Variants in VWA8 observed in about 807,000 individuals in gnomAD.
The protein encoded by VWA8 is von Willebrand factor A domain-containing protein 8.
In VWA8, 221 loss-of-function variants were observed where a neutral mutation model predicts 241.5. The ratio of observed to expected loss-of-function variants is 0.91; its 90% CI spans 0.82 to 1.02. The LOEUF is 1.02. Among genes scored for constraint, VWA8 ranks in the 50% least tolerant of loss-of-function variants. The pLI is 0.00. For missense variants in VWA8, 2,322 were observed against 2,328.7 expected (o/e 1.00, Z 0.06); for synonymous variants, 852 against 827.1 (o/e 1.03, Z -0.52).
At chr13:41,929,376 C>T (rs1201869258) in intron 2 of VWA8, among the ~76,000 whole-genome samples, 1 of 152,036 alleles carries the variant, frequency 6.6e-6, no homozygotes, top group South Asian at 2.1e-4. Flanking sequence ...TGATCTTGAA[C>T]TCCTGGGCTA....
At chr13:41,791,348 A>T (rs1869454314) in intron 17 of VWA8, among the ~76,000 whole-genome samples, 1 of 151,938 alleles carries the variant, frequency 6.6e-6, no homozygotes, top group Non-Finnish European at 1.5e-5. Flanking sequence ...TAACACTGGA[A>T]AAATTAGTCA....
chr13:41,736,684 T>C (rs1191676900), intron 21 of VWA8, among the ~76,000 whole-genome samples: 1 of 152,008 alleles, frequency 6.6e-6, no homozygotes, highest in African/African-American at 2.4e-5. Context: ...AAGAGTTTCA[T>C]AAGAGCTGAT....
chr13:41,821,644 A>T (rs1244495592), intron 14 of VWA8, among the ~76,000 whole-genome samples: 5 of 152,332 alleles, frequency 3.3e-5, no homozygotes, highest in African/African-American at 9.6e-5. Flanking sequence ...AGAAAAAAAT[A>T]AATGAAACTA....
At chr13:41,701,188 C>A (rs1016255812) in intron 28 of VWA8, among the ~76,000 whole-genome samples, 2 of 152,144 alleles carry the variant, frequency 1.3e-5, no homozygotes, top group African/African-American at 2.4e-5. Flanking sequence ...CATACAAACT[C>A]AGGAGTGCTT....
chr13:41,938,556 C>A (rs112427356), intron 2 of VWA8, among the ~76,000 whole-genome samples: 1 of 151,670 alleles, frequency 6.6e-6, no homozygotes, highest in Non-Finnish European at 1.5e-5. Context: ...GAGGCTGAGG[C>A]AGGAGGATCG....
chr13:41,727,849 A>T (rs2045449304), intron 23 of VWA8, among the ~76,000 whole-genome samples: 1 of 152,104 alleles, frequency 6.6e-6, no homozygotes, highest in Non-Finnish European at 1.5e-5. Context: ...TCATTAGTAC[A>T]ATGTTGATTT....
At chr13:41,748,328 A>G (rs2045626203) in intron 21 of VWA8, among the ~76,000 whole-genome samples, 1 of 152,030 alleles carries the variant, frequency 6.6e-6, no homozygotes, top group East Asian at 1.9e-4. Flanking sequence ...TAGTCTTGGG[A>G]GGGTGTATGT....
At chr13:41,762,770 C>A (rs1006027029) in intron 20 of VWA8, among the ~76,000 whole-genome samples, 1 of 152,050 alleles carries the variant, frequency 6.6e-6, no homozygotes, top group Admixed American at 6.6e-5. Context: ...ATTTATTGAG[C>A]GCCACAGGGG....
rs1457886223 is a variant in VWA8 at position 41,575,820 on chromosome 13, A to G, written c.5290T>C (p.Ser1764Pro). The change falls in exon 43 of 45, where the codon TCT (serine) becomes CCT (proline). Residue 1764 changes from serine (S) to proline (P), a missense_variant. Transcript: ENST00000379310. ...AGACCAATGTTGTAGCCATCTCCAG[A>G]GTGTCCAACGATGTCATACTACATG... ...EKFQYDIVGH[S>P]GDGYNIGLVP... 3 of 1,612,500 alleles carry G rather than the reference A, an allele frequency of 1.9e-6. No homozygotes were observed. The highest frequency in any genetic ancestry group is 2.2e-5 in the East Asian group (1 of 44,872).
At chr13:41,960,006 G>A (rs1414927785) in intron 1 of VWA8, among the ~76,000 whole-genome samples, 1 of 152,154 alleles carries the variant, frequency 6.6e-6, no homozygotes, top group African/African-American at 2.4e-5. Context: ...GTTATTCCAA[G>A]CAGCACTGAC....
chr13:41,863,029 T>C (rs1426452607), intron 12 of VWA8, among the ~76,000 whole-genome samples: 2 of 152,162 alleles, frequency 1.3e-5, no homozygotes, highest in African/African-American at 4.8e-5. Context: ...ATGCAAAGTA[T>C]TGATCCTGGG....
chr13:41,613,976 G>T (rs1449764618), intron 38 of VWA8, among the ~76,000 whole-genome samples: 2 of 152,168 alleles, frequency 1.3e-5, no homozygotes, highest in Non-Finnish European at 1.5e-5. Context: ...TTCAAGTTTG[G>T]TAACAAATAG....
At chr13:41,684,427 A>C (rs2045121370) in intron 35 of VWA8, among the ~76,000 whole-genome samples, 1 of 152,160 alleles carries the variant, frequency 6.6e-6, no homozygotes, top group Non-Finnish European at 1.5e-5. Flanking sequence ...GTTCAATAAG[A>C]ATAGATCTAA....
chr13:41,882,744 G>A (rs1199334391), intron 9 of VWA8, among the ~76,000 whole-genome samples: 1 of 151,296 alleles, frequency 6.6e-6, no homozygotes, highest in Non-Finnish European at 1.5e-5. Context: ...AGTGAGCCGA[G>A]ATGGCAGCAG....
chr13:41,717,298 A>C (rs2045353980), intron 26 of VWA8, among the ~76,000 whole-genome samples: 1 of 151,724 alleles, frequency 6.6e-6, no homozygotes, highest in South Asian at 2.1e-4. Context: ...TAAATATTTG[A>C]ATATTTAAAT....
At chr13:41,864,141 T>TTA (rs1358058538) in intron 12 of VWA8, among the ~76,000 whole-genome samples, 1 of 114,308 alleles carries the variant, frequency 8.7e-6, no homozygotes, top group African/African-American at 3.7e-5. Flanking sequence ...ATGATGATTA[T>TTA]AAAAAAAAAA....
At chr13:41,621,978 C>A (rs181256481) in intron 37 of VWA8, among the ~76,000 whole-genome samples, 3 of 152,114 alleles carry the variant, frequency 2.0e-5, no homozygotes, top group African/African-American at 7.2e-5. Context: ...GTTTCAAAAT[C>A]GACAAATTCT....
At chr13:41,644,886 T>C (rs576535512) in intron 37 of VWA8, among the ~76,000 whole-genome samples, 2 of 152,254 alleles carry the variant, frequency 1.3e-5, no homozygotes, top group Non-Finnish European at 2.9e-5. Context: ...AATTAGCCTA[T>C]GGTAAAACTG....
intron 29 of VWA8, among the ~76,000 whole-genome samples, chr13:41,695,741 T>A (rs535262235): frequency 6.6e-6 from 1 of 152,158 alleles, no homozygotes; most frequent in African/African-American, 2.4e-5. Flanking sequence ...AAGGGGTAAG[T>A]AAGGCAGTAT....
Sources: allele counts gnomAD v4.1 joint callset (sites outside exome capture counted in the v4.1 genomes callset), GRCh38; gene constraint gnomAD v4.1.1; transcripts MANE v1.5; gene names NCBI Gene and HGNC (gene_info 2026-07-23, HGNC 2026-07-21).